Variants in TENM3 observed in about 807,000 individuals in gnomAD.
TENM3 encodes the protein teneurin transmembrane protein 3.
In TENM3, 63 loss-of-function variants were observed where a neutral mutation model predicts 255.1. The observed-to-expected ratio is 0.25, with a 90% CI of 0.20 to 0.30. The LOEUF is 0.30. Ranked by LOEUF, TENM3 falls within the 10% of genes least tolerant of loss-of-function variation. The pLI, the probability that TENM3 is intolerant of heterozygous loss-of-function variation, is 1.00. For missense variants in TENM3, 2,929 were observed against 3,461.1 expected (o/e 0.85, Z 3.86); for synonymous variants, 1,306 against 1,322.3 (o/e 0.99, Z 0.27).
At chr4:181,839,806 T>A in the TENM3 span, among the ~76,000 whole-genome samples, 1 of 151,914 alleles carries the variant, frequency 6.6e-6, no homozygotes, top group African/African-American at 2.4e-5. Context: ...TCTGACTACA[T>A]TCATGATCTT....
At chr4:182,777,969 G>GA (rs1310551940) in intron 24 of TENM3, among the ~76,000 whole-genome samples, 1 of 151,924 alleles carries the variant, frequency 6.6e-6, no homozygotes, top group Admixed American at 6.6e-5. Flanking sequence ...TACATTAGGG[G>GA]ACAGGCTGGA....
chr4:182,653,178 G>A (rs1376759357), intron 5 of TENM3, among the ~76,000 whole-genome samples: 1 of 152,024 alleles, frequency 6.6e-6, no homozygotes, highest in African/African-American at 2.4e-5. Context: ...CCTGACACAT[G>A]TACATGCTTT....
the TENM3 span, among the ~76,000 whole-genome samples, chr4:182,066,130 C>T: frequency 2.6e-5 from 4 of 152,162 alleles, no homozygotes; most frequent in Non-Finnish European, 5.9e-5. Flanking sequence ...ACAAGGGTTC[C>T]AATTTCTCTA....
At chr4:182,450,984 GAT>G (rs1773408907) in intron 3 of TENM3, among the ~76,000 whole-genome samples, 1 of 152,188 alleles carries the variant, frequency 6.6e-6, no homozygotes, top group South Asian at 2.1e-4. Flanking sequence ...TCATTAATAA[GAT>G]GTGAATGGAC....
intron 2 of TENM3, among the ~76,000 whole-genome samples, chr4:182,335,369 C>G (rs1764050948): frequency 6.8e-6 from 1 of 146,384 alleles, no homozygotes; most frequent in South Asian, 2.3e-4. Flanking sequence ...GTGGCAGGCG[C>G]CTGTAGTCCC....
the TENM3 span, among the ~76,000 whole-genome samples, chr4:181,738,121 T>A: frequency 0.5 from 75,848 of 151,914 alleles, 19,828 homozygotes; most frequent in East Asian, 0.62. Flanking sequence ...CATACAGTAA[T>A]GTTTTCATCG....
the TENM3 span, among the ~76,000 whole-genome samples, chr4:181,568,162 CTTTTTTTTT>C: frequency 1.6e-5 from 2 of 128,036 alleles, no homozygotes; most frequent in Admixed American, 8.1e-5. Flanking sequence ...CCAACTAATA[CTTTTTTTTT>C]TTTTTTTTTT....
chr4:182,014,496 A>C, the TENM3 span, among the ~76,000 whole-genome samples: 1 of 152,176 alleles, frequency 6.6e-6, no homozygotes, highest in African/African-American at 2.4e-5. Flanking sequence ...CATTTCCTCT[A>C]GAATGTATTA....
chr4:182,741,470 C>T (rs1050804367), intron 18 of TENM3, among the ~76,000 whole-genome samples: 2 of 152,178 alleles, frequency 1.3e-5, no homozygotes, highest in Admixed American at 6.5e-5. Flanking sequence ...TCTTTCTGTT[C>T]TGTCATCATA....
intron 13 of TENM3, among the ~76,000 whole-genome samples, chr4:182,724,125 T>TG (rs1239307039): frequency 6.6e-6 from 1 of 152,230 alleles, no homozygotes; most frequent in Non-Finnish European, 1.5e-5. Context: ...AACTGATCAC[T>TG]GCAGTTATTA....
the TENM3 span, among the ~76,000 whole-genome samples, chr4:181,837,878 G>A: frequency 7.9e-5 from 12 of 152,128 alleles, no homozygotes; most frequent in East Asian, 1.5e-3. Context: ...GGTGGCTCAC[G>A]CCTATAATCC....
intron 1 of TENM3, among the ~76,000 whole-genome samples, chr4:182,159,997 A>G (rs1413181949): frequency 1.3e-5 from 2 of 152,112 alleles, no homozygotes; most frequent in Admixed American, 6.5e-5. Context: ...ACAGCATTCT[A>G]AGTATATTCC....
At chr4:182,617,444 G>A (rs1250109856) in intron 4 of TENM3, among the ~76,000 whole-genome samples, 2 of 152,166 alleles carry the variant, frequency 1.3e-5, no homozygotes, top group Admixed American at 6.5e-5. Context: ...TAATCCACAA[G>A]TGTGGGATTC....
the TENM3 span, among the ~76,000 whole-genome samples, chr4:181,920,353 G>A: frequency 2.0e-4 from 30 of 151,920 alleles, no homozygotes; most frequent in African/African-American, 5.5e-4. Context: ...CCCACCAACA[G>A]TGTAAAAGTG....
chr4:181,903,667 A>G, the TENM3 span, among the ~76,000 whole-genome samples: 3 of 152,212 alleles, frequency 2.0e-5, no homozygotes, highest in Admixed American at 6.5e-5. Flanking sequence ...AGGTCCTTCC[A>G]TACCTAAAAC....
chr4:182,061,548 T>G, the TENM3 span, among the ~76,000 whole-genome samples: 1 of 152,106 alleles, frequency 6.6e-6, no homozygotes, highest in African/African-American at 2.4e-5. Flanking sequence ...CCTCCGAAAC[T>G]TTATAAAATG....
the TENM3 span, among the ~76,000 whole-genome samples, chr4:181,600,469 G>T: frequency 6.6e-6 from 1 of 152,076 alleles, no homozygotes; most frequent in African/African-American, 2.4e-5. Context: ...GGACCCTCCT[G>T]AACCCAAGTT....
chr4:182,495,224 C>T (rs1055151244), intron 3 of TENM3, among the ~76,000 whole-genome samples: 2 of 152,160 alleles, frequency 1.3e-5, no homozygotes, highest in African/African-American at 4.8e-5. Flanking sequence ...ATTCAGAGAG[C>T]CGTGAAGCTG....
At chr4:182,594,731 T>TGTGTGTGTGTG (rs1747030169) in intron 3 of TENM3, among the ~76,000 whole-genome samples, 1 of 137,018 alleles carries the variant, frequency 7.3e-6, no homozygotes, top group African/African-American at 2.7e-5. Context: ...TGTGTGTGTG[T>TGTGTGTGTGTG]TTTCCCGAGA....
Sources: allele counts gnomAD v4.1 joint callset (sites outside exome capture counted in the v4.1 genomes callset), GRCh38; gene constraint gnomAD v4.1.1; transcripts MANE v1.5; gene names NCBI Gene and HGNC (gene_info 2026-07-23, HGNC 2026-07-21).